TDG: variants seen among roughly 807,000 people sequenced by gnomAD.
TDG encodes the protein G/T mismatch-specific thymine DNA glycosylase.
A neutral mutation model predicts 46.1 loss-of-function variants in TDG; 23 were observed. The ratio of observed to expected loss-of-function variants is 0.50; its 90% CI spans 0.36 to 0.71. The LOEUF (loss-of-function observed/expected upper bound fraction) is 0.71. TDG is among the 30% of genes least tolerant of loss of function. The pLI is 0.00. For synonymous variants in TDG, 115 were observed against 161.3 expected, an observed-to-expected ratio of 0.71 and a Z score of 2.18; for missense variants, 304 against 486.7, an observed-to-expected ratio of 0.62 and a Z score of 3.53.
intron 1 of TDG, among the ~76,000 whole-genome samples, chr12:103,973,783 C>G (rs961791378): frequency 3.9e-5 from 6 of 152,124 alleles, no homozygotes; most frequent in African/African-American, 1.4e-4. Flanking sequence ...CTTAGTTATA[C>G]TATTTTGTAT....
chr12:103,970,849 A>C (rs1871255116), intron 1 of TDG, among the ~76,000 whole-genome samples: 1 of 152,222 alleles, frequency 6.6e-6, no homozygotes, highest in African/African-American at 2.4e-5. Flanking sequence ...TGTTTTGAGA[A>C]AGACTATCAG....
chr12:103,985,051 G>A, intron 8 of TDG, 131 bp downstream of exon 8: 1 of 509,764 alleles, frequency 2.0e-6, no homozygotes, highest in Non-Finnish European at 2.8e-6. Context: ...ATGCACACGT[G>A]TATATATACA....
chr12:103,986,743 G>A (rs1872172797), intron 9 of TDG: 2 of 484,906 alleles, frequency 4.1e-6, no homozygotes, highest in Admixed American at 3.3e-5. Flanking sequence ...CAAATAAGCT[G>A]ATACGGTGGC....
At chr12:103,979,650 G>C (rs966951131) in intron 2 of TDG, among the ~76,000 whole-genome samples, 181 bp from the exon 3 acceptor site, 1 of 152,098 alleles carries the variant, frequency 6.6e-6, no homozygotes, top group Non-Finnish European at 1.5e-5. Flanking sequence ...GGGGTTGCAC[G>C]AACCCAGTTC....
At chr12:103,973,876 ATT>A (rs1871389416) in intron 1 of TDG, among the ~76,000 whole-genome samples, 2 of 152,214 alleles carry the variant, frequency 1.3e-5, no homozygotes, top group African/African-American at 4.8e-5. Context: ...GCTGCATAGT[ATT>A]TTCTCATGTT....
At chr12:103,980,570 A>T (rs1006445948) in intron 3 of TDG, 2 of 250,112 alleles carry the variant, frequency 8.0e-6, no homozygotes, top group Admixed American at 5.0e-5. Context: ...GTGGCTGGAC[A>T]TGGGCTCAGA....
chr12:103,984,422 C>T (rs1248938589), intron 7 of TDG, among the ~76,000 whole-genome samples: 1 of 152,028 alleles, frequency 6.6e-6, no homozygotes, highest in East Asian at 1.9e-4. Flanking sequence ...GGTGAAACCC[C>T]ATCTCCACTA....
At chr12:103,985,805 G>C in intron 9 of TDG, 77 bp downstream of exon 9, 1 of 1,348,672 alleles carries the variant, frequency 7.4e-7, no homozygotes. Flanking sequence ...AATAGAAGGA[G>C]AGTAAATTAT....
intron 7 of TDG, 86 bp from the exon 8 acceptor site, chr12:103,984,663 C>A: frequency 2.7e-6 from 3 of 1,127,156 alleles, no homozygotes; most frequent in Non-Finnish European, 3.5e-6. Flanking sequence ...AGTTATTAAC[C>A]CAAATAAAGA....
At chr12:103,984,680 TTCTAA>T in intron 7 of TDG, 64 bp from the exon 8 acceptor site, 1 of 1,255,372 alleles carries the variant, frequency 8.0e-7, no homozygotes. Flanking sequence ...AAGACAAATA[TTCTAA>T]TCTCAATGAG....
chr12:103,988,471 ATGTAC>A lies in TDG; in HGVS notation c.*1389_*1393del, dbSNP rs1425664233. 3 of 152,760 alleles carry A rather than the reference ATGTAC, an allele frequency of 2.0e-5. No homozygotes were observed. 9.5% of individuals were successfully genotyped at this position (152,760 alleles called of 1,614,324 possible). ...AAAAGTCATTTATGTTATTTAAATG[ATGTAC>A]TGTACTGCTGTTTACATGGACGTTT... On this transcript the variant is annotated 3_prime_UTR_variant, in exon 10 of 10. Transcript: ENST00000392872.
chr12:103,980,099 T>C, intron 3 of TDG, 27 bp downstream of exon 3: 1 of 1,612,784 alleles, frequency 6.2e-7, no homozygotes, highest in Non-Finnish European at 8.5e-7. Context: ...CGTTGGATTT[T>C]ATAAGTAGTA....
chr12:103,987,250 A>T lies in TDG; in HGVS notation c.*160A>T. The T allele has an allele frequency of 9.5e-7, 1 of 1,049,160 alleles. No individual in the cohort carries two copies. Among genetic ancestry groups the T allele is most frequent in the Non-Finnish European group, 1.3e-6 (1 of 767,412 alleles). 65.0% of individuals were successfully genotyped at this position (1,049,160 alleles called of 1,614,324 possible). A position where few individuals can be genotyped will look rare whatever the true frequency, so the allele number is the denominator to read the frequency against. On this transcript the variant is annotated 3_prime_UTR_variant, in exon 10 of 10. Coordinates refer to ENST00000392872, the MANE Select transcript of TDG (RefSeq NM_003211.6). The stretch of plus-strand genomic sequence containing the variant: ...GTGGTAGTGTGAACCGTATGAACCT[A>T]AGTAGTTTGGAAGAAAAAGTAGGGT...
chr12:103,968,851 G>A (rs909518126), intron 1 of TDG, among the ~76,000 whole-genome samples: 6 of 152,180 alleles, frequency 3.9e-5, no homozygotes, highest in Non-Finnish European at 7.3e-5. Context: ...CTAATTGACC[G>A]GGCACAGTGG....
chr12:103,983,146 C>G lies in TDG; in HGVS notation c.625C>G (p.Arg209Gly). 1 of 1,601,936 alleles carries G rather than the reference C, an allele frequency of 6.2e-7. No homozygotes were observed. Among genetic ancestry groups the G allele is most frequent in the Non-Finnish European group, 8.5e-7 (1 of 1,175,536 alleles). The change falls in exon 6 of 10, where the codon CGT (arginine) becomes GGT (glycine). Residue 209 changes from arginine to glycine, a missense_variant. Arg to Gly is a moderately radical substitution (Grantham distance 125, BLOSUM62 -2). Coordinates refer to ENST00000392872, the MANE Select transcript of TDG (RefSeq NM_003211.6). ...GSKDLSSKEF[R>G]EGGRILVQKL... Reference sequence around the variant, plus strand: ...TTAATTCAATTTTAGTAAAGAATTTCGTGAAGGAGGACGTATTCTAGTACA... The same window carrying G: ...TTAATTCAATTTTAGTAAAGAATTTGGTGAAGGAGGACGTATTCTAGTACA...
chr12:103,971,075 A>G (rs556979057), intron 1 of TDG, among the ~76,000 whole-genome samples: 1 of 152,374 alleles, frequency 6.6e-6, no homozygotes, highest in African/African-American at 2.4e-5. Context: ...GAGGATCTGC[A>G]TAGGTTATAT....
At chr12:103,982,601 C>A (rs749131597) in intron 4 of TDG, among the ~76,000 whole-genome samples, 198 bp from the exon 5 acceptor site, 4 of 151,852 alleles carry the variant, frequency 2.6e-5, no homozygotes, top group Non-Finnish European at 5.9e-5. Context: ...ACCCTGTCTA[C>A]AAACAATACA....
At chr12:103,973,978 T>C (rs1220008869) in intron 1 of TDG, among the ~76,000 whole-genome samples, 1 of 152,232 alleles carries the variant, frequency 6.6e-6, no homozygotes, top group Non-Finnish European at 1.5e-5. Context: ...CAGGTTAATC[T>C]CTTTCTCACT....
chr12:103,968,958 G>T (rs4135052), intron 1 of TDG, among the ~76,000 whole-genome samples: 39 of 152,172 alleles, frequency 2.6e-4, no homozygotes, highest in Admixed American at 2.2e-3. Context: ...GTGAAACCCC[G>T]TCTCTACTAA....
Sources: allele counts gnomAD v4.1 joint callset (sites outside exome capture counted in the v4.1 genomes callset), GRCh38; gene constraint gnomAD v4.1.1; transcripts MANE v1.5; gene names NCBI Gene and HGNC (gene_info 2026-07-23, HGNC 2026-07-21).